TSHR: variants seen among roughly 807,000 people sequenced by gnomAD.
TSHR encodes thyroid stimulating hormone receptor.
TSHR carries 51 observed loss-of-function variants against 64.1 expected under a neutral mutation model. The observed-to-expected ratio is 0.80, with a 90% CI of 0.64 to 1.01. The LOEUF (loss-of-function observed/expected upper bound fraction) is 1.01, where lower values mean the gene tolerates loss of function less well. Among genes scored for constraint, TSHR ranks in the 50% least tolerant of loss-of-function variants. The pLI is 0.00. For missense variants in TSHR, 877 were observed against 942.8 expected (o/e 0.93, Z 0.91); for synonymous variants, 361 against 361.9 (o/e 1.00, Z 0.03).
chr14:80,961,652 A>T (rs551534232), intron 1 of TSHR, among the ~76,000 whole-genome samples: 5 of 152,332 alleles, frequency 3.3e-5, no homozygotes, highest in Non-Finnish European at 7.4e-5. Context: ...AGCAGTTTCT[A>T]TGCACACACA....
intron 2 of TSHR, among the ~76,000 whole-genome samples, chr14:81,066,528 G>T (rs1038127364): frequency 2.0e-5 from 3 of 152,184 alleles, no homozygotes; most frequent in Admixed American, 2.0e-4. Flanking sequence ...AAAGCACAGA[G>T]CCATTATAAT....
At chr14:81,045,928 A>G (rs1885149391) in intron 1 of TSHR, among the ~76,000 whole-genome samples, 1 of 152,226 alleles carries the variant, frequency 6.6e-6, no homozygotes, top group African/African-American at 2.4e-5. Flanking sequence ...ACTCACTGGT[A>G]TTCAGATGAC....
chr14:80,994,479 A>G (rs1888903542), intron 1 of TSHR: 2 of 152,206 alleles, frequency 1.3e-5, no homozygotes, highest in South Asian at 4.1e-4. Flanking sequence ...ACTTCAAACT[A>G]TACTACAGGG....
At chr14:81,102,031 G>A (rs371581330) in intron 7 of TSHR, among the ~76,000 whole-genome samples, 3 of 152,014 alleles carry the variant, frequency 2.0e-5, no homozygotes, top group African/African-American at 7.2e-5. Flanking sequence ...AATTAGCTGG[G>A]CGTGGTGGCG....
intron 1 of TSHR, among the ~76,000 whole-genome samples, chr14:80,974,245 T>A (rs1233845662): frequency 6.6e-6 from 1 of 152,226 alleles, no homozygotes; most frequent in East Asian, 1.9e-4. Context: ...CTGTTTGGCA[T>A]CAGGGTTGCA....
intron 1 of TSHR, among the ~76,000 whole-genome samples, chr14:81,061,890 A>G (rs922011361): frequency 6.6e-6 from 1 of 152,156 alleles, no homozygotes; most frequent in South Asian, 2.1e-4. Flanking sequence ...GGCAAGACAT[A>G]TTAGTTTACT....
chr14:80,984,930 C>A (rs1888360668), intron 1 of TSHR, among the ~76,000 whole-genome samples: 2 of 152,106 alleles, frequency 1.3e-5, no homozygotes, highest in South Asian at 2.1e-4. Flanking sequence ...TCATCCTGTA[C>A]ATTGTTTTAT....
intron 1 of TSHR, among the ~76,000 whole-genome samples, chr14:81,039,976 G>A (rs556865752): frequency 2.0e-4 from 30 of 151,824 alleles, no homozygotes; most frequent in Non-Finnish European, 3.4e-4. Context: ...CCCTAAATTC[G>A]TATGAAGCCA....
At chr14:80,985,177 G>A (rs1303453303) in intron 1 of TSHR, among the ~76,000 whole-genome samples, 4 of 152,362 alleles carry the variant, frequency 2.6e-5, no homozygotes, top group African/African-American at 9.6e-5. Context: ...GTGAACCCGG[G>A]AGGCGGAGCT....
Position 81,139,732 on chromosome 14 carries a change from T to C in TSHR, c.746T>C (p.Leu249Pro), listed in dbSNP as rs1160723347. Residue 249 changes from leucine (L) to proline (P), a missense_variant, in exon 9 of 10, where the codon CTG (leucine) becomes CCG (proline). By Grantham distance (98) the Leu-to-Pro change is moderately conservative. Coordinates refer to ENST00000298171, the MANE Select transcript of TSHR (RefSeq NM_000369.5). ...CTTCCATCCAAAGGCCTGGAGCACC[T>C]GAAGGAACTGATAGCAAGAAACACC... The part of the protein sequence containing the change: ...TALPSKGLEH[L>P]KELIARNTWT... 6.2e-7 allele frequency: 1 copy of C among 1,614,226 alleles called. No individual in the cohort carries two copies. The highest frequency in any genetic ancestry group is 8.5e-7 in the Non-Finnish European group (1 of 1,180,040).
rs529148582 is a variant in TSHR, at chr14:81,055,008, A to G, written c.171-7140A>G. On this transcript the variant is annotated intron_variant, in intron 1 of 9. Transcript: ENST00000298171. ...AGGGCATGTCAGACAACTTTGTGGC[A>G]GCCCCTTTCATCACAGACATAGAGG... 1.2e-4 allele frequency among the ~76,000 whole-genome samples: 19 copies of G among 152,294 alleles called. No homozygotes were observed. The South Asian group carries it at 3.9e-3, about 32-fold the overall frequency.
At chr14:81,101,101 T>C (rs1186321241) in intron 7 of TSHR, among the ~76,000 whole-genome samples, 1 of 152,176 alleles carries the variant, frequency 6.6e-6, no homozygotes, top group East Asian at 1.9e-4. Flanking sequence ...AAGACACTTG[T>C]CACTCTGGAA....
chr14:81,034,498 T>C (rs1325422547), intron 1 of TSHR, among the ~76,000 whole-genome samples: 1 of 152,234 alleles, frequency 6.6e-6, no homozygotes, highest in Non-Finnish European at 1.5e-5. Flanking sequence ...CTGCTGTTTC[T>C]GTTCCAGCCA....
At chr14:81,073,787 A>G (rs569795894) in intron 3 of TSHR, among the ~76,000 whole-genome samples, 2 of 152,150 alleles carry the variant, frequency 1.3e-5, no homozygotes, top group Admixed American at 1.3e-4. Context: ...AGAGCAGTAC[A>G]TTAAAACCAA....
chr14:81,130,281 A>ATG (rs1891183131), intron 8 of TSHR, among the ~76,000 whole-genome samples: 1 of 152,072 alleles, frequency 6.6e-6, no homozygotes, highest in Non-Finnish European at 1.5e-5. Context: ...GCTCACTCCA[A>ATG]TCAGGTTTTC....
intron 8 of TSHR, among the ~76,000 whole-genome samples, chr14:81,130,260 A>C (rs1314238382): frequency 6.6e-6 from 1 of 152,000 alleles, no homozygotes; most frequent in Non-Finnish European, 1.5e-5. Flanking sequence ...AACTATCCCA[A>C]TTTCTGTTAT....
At chr14:80,973,478 G>A (rs1447271254) in intron 1 of TSHR, among the ~76,000 whole-genome samples, 6 of 146,294 alleles carry the variant, frequency 4.1e-5, no homozygotes, top group Non-Finnish European at 9.0e-5. Flanking sequence ...ATACTTTCCC[G>A]TGTCGAAAGG....
chr14:81,063,875 C>A (rs1886415913), intron 2 of TSHR, among the ~76,000 whole-genome samples: 1 of 151,826 alleles, frequency 6.6e-6, no homozygotes, highest in Non-Finnish European at 1.5e-5. Flanking sequence ...AAAAATAGCA[C>A]CTGACCTGTG....
chr14:81,106,481 T>C (rs1889900799), intron 7 of TSHR, among the ~76,000 whole-genome samples: 2 of 152,198 alleles, frequency 1.3e-5, no homozygotes, highest in African/African-American at 4.8e-5. Context: ...AACTTGGCAC[T>C]GGGTAGACAT....
Sources: gnomAD v4.1 joint callset for allele counts (sites outside exome capture counted in the v4.1 genomes callset) on GRCh38, gnomAD v4.1.1 for gene constraint, MANE v1.5 for transcripts, NCBI Gene and HGNC (gene_info 2026-07-23, HGNC 2026-07-21) for gene names.